The following CNTN4 variants were observed in gnomAD, a reference collection of about 807,000 sequenced individuals.
CNTN4 encodes the protein contactin-4.
CNTN4 carries 77 observed loss-of-function variants against 122.5 expected under a neutral mutation model. The ratio of observed to expected loss-of-function variants is 0.63; its 90% CI spans 0.52 to 0.76. The LOEUF (loss-of-function observed/expected upper bound fraction) is 0.76. Among genes scored for constraint, CNTN4 ranks in the 30% least tolerant of loss-of-function variants. The pLI is 0.00. For synonymous variants in CNTN4, 512 were observed against 447.0 expected (o/e 1.15, Z -1.83); for missense variants, 1,256 against 1,259.1 (o/e 1.00, Z 0.04).
chr3:2,760,375 G>T (rs2090533351), intron 6 of CNTN4, among the ~76,000 whole-genome samples: 1 of 152,154 alleles, frequency 6.6e-6, no homozygotes, highest in South Asian at 2.1e-4. Flanking sequence ...TCGTTCAAAA[G>T]AATGATTTTT....
chr3:2,359,812 T>A (rs1316030565), intron 3 of CNTN4, among the ~76,000 whole-genome samples: 2 of 152,188 alleles, frequency 1.3e-5, no homozygotes, highest in East Asian at 3.9e-4. Flanking sequence ...GTGCTGGGAT[T>A]AGGGTCGAGA....
At chr3:2,761,191 G>A (rs746016405) in intron 6 of CNTN4, among the ~76,000 whole-genome samples, 2 of 152,130 alleles carry the variant, frequency 1.3e-5, no homozygotes, top group Non-Finnish European at 2.9e-5. Flanking sequence ...ATCTCTACCA[G>A]AGTACTCTGT....
rs1158248347 is a variant in CNTN4 at position 2,329,872 on chromosome 3, C to G, written c.-144-9306C>G. On this transcript the variant is annotated intron_variant, in intron 2 of 24. Coordinates refer to ENST00000418658, the MANE Select transcript of CNTN4 (RefSeq NM_175607.3). ...AAACAAACGTTTCTCTCTACTTACA[C>G]TAAACATGCCACACTTTTTGACCAG... 1.3e-5 allele frequency among the ~76,000 whole-genome samples: 2 copies of G among 152,218 alleles called. 1 individual carries two copies. Among genetic ancestry groups the G allele is most frequent in the African/African-American group, 4.8e-5 (2 of 41,460 alleles).
intron 3 of CNTN4, among the ~76,000 whole-genome samples, chr3:2,435,127 A>G (rs375571132): frequency 6.6e-6 from 1 of 152,200 alleles, no homozygotes; most frequent in Non-Finnish European, 1.5e-5. Flanking sequence ...AATTATTCCC[A>G]TGATTGTGTG....
At chr3:3,055,451 A>T (rs1357663233) in intron 24 of CNTN4, among the ~76,000 whole-genome samples, 1 of 152,194 alleles carries the variant, frequency 6.6e-6, no homozygotes, top group African/African-American at 2.4e-5. Flanking sequence ...GTTTCAAGAG[A>T]TTTTTCATCA....
At chr3:2,782,447 GATTCCTACCTTC>G (rs1300607947) in intron 6 of CNTN4, among the ~76,000 whole-genome samples, 57 of 147,598 alleles carry the variant, frequency 3.9e-4, no homozygotes, top group Admixed American at 1.0e-3. Flanking sequence ...ACCCATAACT[GATTCCTACCTTC>G]TTATTCTGTG....
intron 2 of CNTN4, among the ~76,000 whole-genome samples, chr3:2,215,414 C>A (rs113377461): frequency 1.3e-5 from 2 of 152,222 alleles, no homozygotes; most frequent in African/African-American, 4.8e-5. Flanking sequence ...TTTGGGAAAC[C>A]ACAGCAGTGA....
At chr3:2,508,730 A>G (rs985902162) in intron 3 of CNTN4, among the ~76,000 whole-genome samples, 1 of 152,194 alleles carries the variant, frequency 6.6e-6, no homozygotes, top group Non-Finnish European at 1.5e-5. Context: ...CTGAGGTAAA[A>G]TAGCAGGTTC....
intron 12 of CNTN4, among the ~76,000 whole-genome samples, chr3:2,907,881 C>T (rs772327721): frequency 2.0e-4 from 30 of 152,278 alleles, no homozygotes; most frequent in Non-Finnish European, 3.7e-4. Flanking sequence ...GATGGGCAAA[C>T]GCCATAGAGA....
chr3:2,136,552 C>T (rs1278913071), intron 2 of CNTN4, among the ~76,000 whole-genome samples: 1 of 152,102 alleles, frequency 6.6e-6, no homozygotes, highest in Non-Finnish European at 1.5e-5. Flanking sequence ...GACAAAAATG[C>T]ATAGGCTATC....
intron 4 of CNTN4, among the ~76,000 whole-genome samples, chr3:2,606,021 G>A (rs1042190270): frequency 2.0e-5 from 3 of 152,118 alleles, no homozygotes; most frequent in Non-Finnish European, 2.9e-5. Flanking sequence ...GTGAAGTGAT[G>A]GGGGAAGCAG....
At position 2,709,066 on chromosome 3, in the gene CNTN4, C is replaced by T. The variant is rs890161568; in HGVS notation, c.56-27149C>T. Among the ~76,000 whole-genome samples, 2 of 152,094 alleles carry T rather than the reference C, an allele frequency of 1.3e-5. No homozygotes were observed. Among genetic ancestry groups the T allele is most frequent in the Admixed American group, 6.5e-5 (1 of 15,286 alleles). On this transcript the variant is annotated intron_variant, in intron 4 of 24. Transcript: ENST00000418658. The surrounding 1 kb of genome is among the most constrained non-coding windows in gnomAD (Gnocchi z 5.0). ...TCAGATATCTCATAGACCATCCCCC[C>T]TCTGCTGCCACTGAATTTCATTTAG...
At chr3:2,722,282 T>C (rs1387519182) in intron 4 of CNTN4, among the ~76,000 whole-genome samples, 1 of 152,196 alleles carries the variant, frequency 6.6e-6, no homozygotes, top group African/African-American at 2.4e-5. Flanking sequence ...TTGGACAGTG[T>C]GTTTACTTCT....
intron 3 of CNTN4, among the ~76,000 whole-genome samples, chr3:2,512,886 G>A (rs2076929894): frequency 1.3e-5 from 2 of 152,306 alleles, no homozygotes; most frequent in South Asian, 4.1e-4. Context: ...AAGTACAGAA[G>A]CATCTTACTG....
At chr3:2,578,143 C>A (rs1382867) in intron 4 of CNTN4, among the ~76,000 whole-genome samples, 150,912 of 152,264 alleles carry the variant, frequency 0.99, 74,802 homozygotes, top group Middle Eastern at 1. Context: ...CTATGATAGA[C>A]AAAAATATAT....
At chr3:2,587,385 G>A (rs1171944443) in intron 4 of CNTN4, among the ~76,000 whole-genome samples, 1 of 152,184 alleles carries the variant, frequency 6.6e-6, no homozygotes, top group Non-Finnish European at 1.5e-5. Context: ...GGGAAGTTAT[G>A]AAGTACTGAT....
chr3:3,040,011 TGAA>T, intron 19 of CNTN4, 23 bp from the exon 20 acceptor site: 5 of 1,517,990 alleles, frequency 3.3e-6, no homozygotes, highest in Non-Finnish European at 4.6e-6. Context: ...CTGTGATTTC[TGAA>T]GACCACCTTC....
At chr3:2,985,956 C>G (rs1248788761) in intron 13 of CNTN4, among the ~76,000 whole-genome samples, 1 of 146,754 alleles carries the variant, frequency 6.8e-6, no homozygotes, top group Non-Finnish European at 1.5e-5. Flanking sequence ...GCTCTGTCTC[C>G]TAGGCTGGAG....
At chr3:2,280,789 A>G (rs1298200146) in intron 2 of CNTN4, among the ~76,000 whole-genome samples, 1 of 152,202 alleles carries the variant, frequency 6.6e-6, no homozygotes, top group Non-Finnish European at 1.5e-5. Flanking sequence ...AAATTGTTCC[A>G]AAAGCCTCAA....
Sources: gnomAD v4.1 joint callset for allele counts (sites outside exome capture counted in the v4.1 genomes callset) on GRCh38, gnomAD v4.1.1 for gene constraint, Gnocchi (gnomAD v3.1) non-coding constraint, MANE v1.5 for transcripts, NCBI Gene and HGNC (gene_info 2026-07-23, HGNC 2026-07-21) for gene names.